PTDSS1: variants seen among roughly 807,000 people sequenced by gnomAD.
PTDSS1 encodes the protein phosphatidylserine synthase 1.
A neutral mutation model predicts 70.5 loss-of-function variants in PTDSS1; 45 were observed. The observed-to-expected ratio is 0.64, with a 90% CI of 0.50 to 0.82. PTDSS1 has a LOEUF of 0.82. Ranked by LOEUF, PTDSS1 falls within the 40% of genes least tolerant of loss-of-function variation. The pLI, the probability that PTDSS1 is intolerant of heterozygous loss-of-function variation, is 0.00. For missense variants in PTDSS1, 417 were observed against 586.1 expected, an observed-to-expected ratio of 0.71 and a Z score of 2.98; for synonymous variants, 188 against 203.8, an observed-to-expected ratio of 0.92 and a Z score of 0.66.
intron 6 of PTDSS1, among the ~76,000 whole-genome samples, chr8:96,301,180 A>ATT (rs1811045103): frequency 6.6e-6 from 1 of 152,042 alleles, no homozygotes; most frequent in Non-Finnish European, 1.5e-5. Flanking sequence ...CCCAGGCTGC[A>ATT]GTGCAGTGGT....
intron 9 of PTDSS1, among the ~76,000 whole-genome samples, chr8:96,310,087 CCACTG>C (rs1304168492): frequency 2.0e-5 from 3 of 151,780 alleles, no homozygotes; most frequent in Non-Finnish European, 2.9e-5. Flanking sequence ...CAAAGTCACG[CCACTG>C]CACTGCACTC....
chr8:96,263,577 A>G (rs1810443515), intron 1 of PTDSS1, among the ~76,000 whole-genome samples: 1 of 152,248 alleles, frequency 6.6e-6, no homozygotes, highest in Non-Finnish European at 1.5e-5. Context: ...AGCACAATGT[A>G]CAATTCATGT....
intron 4 of PTDSS1, among the ~76,000 whole-genome samples, chr8:96,289,558 A>G (rs1810872587): frequency 6.6e-6 from 1 of 152,188 alleles, no homozygotes; most frequent in African/African-American, 2.4e-5. Flanking sequence ...ATTTATTATG[A>G]ATCACAATAT....
Position 96,262,290 on chromosome 8 carries a change from A to AGGGGGGCGGGGT in PTDSS1, c.179+78_179+79insGGGGTGGGGGGC. On this transcript the variant is annotated intron_variant, in intron 1 of 12. Transcript: ENST00000517309. The surrounding 1 kb of genome is among the most constrained non-coding windows in gnomAD (Gnocchi z 4.4). ...AGAGGCGGGAGGGAGGGTGGCGGGG[A>AGGGGGGCGGGGT]GGGGGGCCCGGCATGGCTCTGGGTG... The AGGGGGGCGGGGT allele has an allele frequency of 2.6e-6, 1 of 387,408 alleles. No homozygotes were observed. The highest frequency in any genetic ancestry group is 7.5e-5 in the East Asian group (1 of 13,388). 24.0% of individuals were successfully genotyped at this position (387,408 alleles called of 1,614,324 possible). A position where few individuals can be genotyped will look rare whatever the true frequency, so the allele number is the denominator to read the frequency against.
intron 2 of PTDSS1, among the ~76,000 whole-genome samples, chr8:96,279,635 A>G (rs2130031144): frequency 6.6e-6 from 1 of 152,036 alleles, no homozygotes; most frequent in Non-Finnish European, 1.5e-5. Flanking sequence ...CTTGGCTAAC[A>G]TGGTGAAACC....
intron 5 of PTDSS1, among the ~76,000 whole-genome samples, chr8:96,297,724 G>T (rs1290998226): frequency 6.6e-6 from 1 of 152,094 alleles, no homozygotes; most frequent in African/African-American, 2.4e-5. Flanking sequence ...TCCAGTAACT[G>T]TGCTCCACCT....
At chr8:96,265,634 G>A (rs888814378) in intron 1 of PTDSS1, among the ~76,000 whole-genome samples, 9 of 151,860 alleles carry the variant, frequency 5.9e-5, no homozygotes, top group South Asian at 2.1e-4. Flanking sequence ...TTAGCTGGGC[G>A]TGGTGGCATG....
intron 9 of PTDSS1, among the ~76,000 whole-genome samples, chr8:96,314,623 G>A (rs1001237580): frequency 6.6e-6 from 1 of 152,130 alleles, no homozygotes; most frequent in Non-Finnish European, 1.5e-5. Flanking sequence ...TTGAGATGGA[G>A]TCTCACTCTG....
Position 96,333,986 on chromosome 8 carries a change from C to A in PTDSS1, c.*420C>A. 4.4e-6 allele frequency: 2 copies of A among 455,992 alleles called. No individual in the cohort carries two copies. The allele number at this position is 455,992 out of a possible 1,614,324, so 28.2% of individuals were successfully genotyped here. On this transcript the variant is annotated 3_prime_UTR_variant, in exon 13 of 13. Transcript: ENST00000517309. ...CAGTTTTTATTTTATTTTTATGAAT[C>A]TACCTTTCCATTGATTGATTTAAGT...
chr8:96,272,140 A>T (rs1810575338), intron 1 of PTDSS1, among the ~76,000 whole-genome samples: 1 of 152,122 alleles, frequency 6.6e-6, no homozygotes, highest in African/African-American at 2.4e-5. Flanking sequence ...CTGTCTTGAT[A>T]TGAGTTATAA....
At chr8:96,264,901 A>G (rs547126174) in intron 1 of PTDSS1, among the ~76,000 whole-genome samples, 21 of 152,324 alleles carry the variant, frequency 1.4e-4, no homozygotes, top group African/African-American at 4.1e-4. Flanking sequence ...CACTAATTTC[A>G]TAAAGAGACA....
chr8:96,298,124 G>A (rs1239801489), intron 5 of PTDSS1, among the ~76,000 whole-genome samples: 1 of 152,142 alleles, frequency 6.6e-6, no homozygotes. Flanking sequence ...CAAGAGTTAA[G>A]GCTCCATCTC....
chr8:96,319,495 TA>T (rs10626615), intron 9 of PTDSS1, among the ~76,000 whole-genome samples: 7 of 150,464 alleles, frequency 4.7e-5, no homozygotes, highest in African/African-American at 9.8e-5. Flanking sequence ...TGGCGTTTCT[TA>T]AAAAAAAACA....
chr8:96,285,034 A>G (rs13270941), intron 3 of PTDSS1, among the ~76,000 whole-genome samples: 31,341 of 152,146 alleles, frequency 0.21, 6,364 homozygotes, highest in African/African-American at 0.53. Flanking sequence ...ACTTGGAGAC[A>G]AAGGACAGCT....
At chr8:96,279,365 CT>C (rs1158157835) in intron 2 of PTDSS1, among the ~76,000 whole-genome samples, 6 of 151,566 alleles carry the variant, frequency 4.0e-5, no homozygotes, top group Non-Finnish European at 8.8e-5. Flanking sequence ...GTTTCTTCTT[CT>C]GTGTCATTTG....
intron 10 of PTDSS1, among the ~76,000 whole-genome samples, chr8:96,325,516 G>C (rs1811426772): frequency 1.3e-5 from 2 of 152,134 alleles, no homozygotes; most frequent in Non-Finnish European, 2.9e-5. Context: ...CCTGGAGGCT[G>C]CTTCCTGTCC....
At chr8:96,302,073 C>T (rs746756098) in intron 6 of PTDSS1, among the ~76,000 whole-genome samples, 17 of 152,102 alleles carry the variant, frequency 1.1e-4, no homozygotes, top group Non-Finnish European at 2.9e-5. Flanking sequence ...GGCTGGAGTG[C>T]AGTGGTGCAA....
intron 2 of PTDSS1, among the ~76,000 whole-genome samples, chr8:96,279,791 C>T (rs1810708592): frequency 6.6e-6 from 1 of 151,522 alleles, no homozygotes; most frequent in African/African-American, 2.4e-5. Flanking sequence ...TGCACTACAG[C>T]TTAGGCAACA....
intron 9 of PTDSS1, among the ~76,000 whole-genome samples, chr8:96,316,524 T>A (rs1316151203): frequency 6.6e-6 from 1 of 152,070 alleles, no homozygotes; most frequent in Non-Finnish European, 1.5e-5. Flanking sequence ...CACATGGACA[T>A]AAACATCAGA....
Sources: gnomAD v4.1 joint callset for allele counts (sites outside exome capture counted in the v4.1 genomes callset) on GRCh38, gnomAD v4.1.1 for gene constraint, Gnocchi (gnomAD v3.1) non-coding constraint, MANE v1.5 for transcripts, NCBI Gene and HGNC (gene_info 2026-07-23, HGNC 2026-07-21) for gene names.